Variants in RPS6KA2 observed in about 807,000 individuals in gnomAD.
RPS6KA2 encodes the protein ribosomal protein S6 kinase A2.
A neutral mutation model predicts 91.8 loss-of-function variants in RPS6KA2; 42 were observed. The ratio of observed to expected loss-of-function variants is 0.46; its 90% CI spans 0.36 to 0.59. RPS6KA2 has a LOEUF of 0.59. Among genes scored for constraint, RPS6KA2 ranks in the 20% least tolerant of loss-of-function variants. The pLI, the probability that RPS6KA2 is intolerant of heterozygous loss-of-function variation, is 0.00. For synonymous variants in RPS6KA2, 414 were observed against 393.6 expected (o/e 1.05, Z -0.61); for missense variants, 798 against 978.5 (o/e 0.82, Z 2.46).
chr6:166,709,933 G>A (rs1403758906), intron 2 of RPS6KA2, among the ~76,000 whole-genome samples: 3 of 152,210 alleles, frequency 2.0e-5, no homozygotes, highest in Admixed American at 1.3e-4. Flanking sequence ...CTAAATGGAA[G>A]CACATCTTTA....
At chr6:166,447,603 T>C (rs1779721401) in intron 14 of RPS6KA2, among the ~76,000 whole-genome samples, 1 of 152,200 alleles carries the variant, frequency 6.6e-6, no homozygotes, top group Non-Finnish European at 1.5e-5. Context: ...ATCTACCCTT[T>C]TGAAATACCT....
intron 3 of RPS6KA2, among the ~76,000 whole-genome samples, chr6:166,513,824 T>G (rs1425684312): frequency 6.6e-6 from 1 of 152,202 alleles, no homozygotes; most frequent in Non-Finnish European, 1.5e-5. Flanking sequence ...AAGAATACAA[T>G]TTTGTACCCC....
At chr6:166,763,847 T>G (rs1206810424) in intron 2 of RPS6KA2, among the ~76,000 whole-genome samples, 1 of 152,172 alleles carries the variant, frequency 6.6e-6, no homozygotes, top group African/African-American at 2.4e-5. Context: ...TGCCTGTCCG[T>G]GTACCTCGAG....
Position 166,852,646 on chromosome 6 carries a change from G to A in RPS6KA2, c.123+5554C>T, listed in dbSNP as rs1233112605. On this transcript the variant is annotated intron_variant, in intron 2 of 21. Transcript: ENST00000503859. The surrounding 1 kb of genome is among the most constrained non-coding windows in gnomAD (Gnocchi z 4.1). Reference sequence around the variant, plus strand: ...CCTTTTCCTCACCAGGGGACTCGTCGAGGGGTCCAAGCAGCAACGGCTCGG... The same window carrying A: ...CCTTTTCCTCACCAGGGGACTCGTCAAGGGGTCCAAGCAGCAACGGCTCGG... 1.3e-5 allele frequency among the ~76,000 whole-genome samples: 2 copies of A among 151,988 alleles called. No individual in the cohort carries two copies. Among genetic ancestry groups the A allele is most frequent in the East Asian group, 1.9e-4 (1 of 5,160 alleles).
rs972192952 is a variant in RPS6KA2 at position 166,413,898 on chromosome 6, G to C, written c.1972C>G (p.His658Asp). 8.7e-6 allele frequency: 14 copies of C among 1,614,114 alleles called. No homozygotes were observed. Among genetic ancestry groups the C allele is most frequent in the Non-Finnish European group, 1.2e-5 (14 of 1,180,008 alleles). The change falls in exon 20 of 21, where the codon CAT (histidine) becomes GAT (aspartate). Residue 658 changes from histidine to aspartate, a missense_variant. His to Asp is a moderately conservative substitution (Grantham distance 81, BLOSUM62 -1). Coordinates refer to ENST00000265678, the MANE Select transcript of RPS6KA2 (RefSeq NM_021135.6). ...VVSKMLHVDPHQRLTAMQVLK... is the reference protein window; with the variant it reads ...VVSKMLHVDPDQRLTAMQVLK... Reference sequence around the variant, plus strand: ...ACTTGCATCGCCGTCAGGCGCTGATGAGGGTCCACGTGGAGCATCTTGGAC... The same window carrying C: ...ACTTGCATCGCCGTCAGGCGCTGATCAGGGTCCACGTGGAGCATCTTGGAC...
chr6:166,568,340 G>A (rs777403022), intron 1 of RPS6KA2, among the ~76,000 whole-genome samples: 2 of 152,118 alleles, frequency 1.3e-5, no homozygotes, highest in South Asian at 2.1e-4. Flanking sequence ...TTGGCCAGGC[G>A]CGGTGACTCA....
At chr6:166,789,210 T>C (rs1159407809) in intron 2 of RPS6KA2, among the ~76,000 whole-genome samples, 1 of 152,184 alleles carries the variant, frequency 6.6e-6, no homozygotes, top group Non-Finnish European at 1.5e-5. Flanking sequence ...CAGGAGATTA[T>C]ATCCCACACC....
At chr6:166,742,679 C>T (rs1398967641) in intron 2 of RPS6KA2, among the ~76,000 whole-genome samples, 1 of 152,184 alleles carries the variant, frequency 6.6e-6, no homozygotes, top group African/African-American at 2.4e-5. Flanking sequence ...GTGCTTCTCT[C>T]CACTGCACCC....
At chr6:166,610,639 C>T (rs1011026977) in intron 1 of RPS6KA2, among the ~76,000 whole-genome samples, 1 of 152,154 alleles carries the variant, frequency 6.6e-6, no homozygotes, top group Admixed American at 6.5e-5. Flanking sequence ...TAACAAATTC[C>T]TTCTACTAAT....
At position 166,494,302 on chromosome 6, in the gene RPS6KA2, G is replaced by A. The variant is rs1466724365; in HGVS notation, c.748-3561C>T. Among the ~76,000 whole-genome samples, 1 of 152,174 alleles carries A rather than the reference G, an allele frequency of 6.6e-6. No homozygotes were observed. The highest frequency in any genetic ancestry group is 1.5e-5 in the Non-Finnish European group (1 of 68,032). ...CCCACTCCGAGTGCCAAGAATCTCA[G>A]TCTCAAAACAGCCTTGGAAGGTGCC... is the stretch of plus-strand genomic sequence containing the variant. On this transcript the variant is annotated intron_variant, in intron 8 of 20. Coordinates refer to ENST00000265678, the MANE Select transcript of RPS6KA2 (RefSeq NM_021135.6). The surrounding 1 kb of genome is among the most constrained non-coding windows in gnomAD (Gnocchi z 5.1).
rs1787220063 is a variant in RPS6KA2, at chr6:166,635,830, G to T, written c.124-97046C>A. 6.6e-6 allele frequency among the ~76,000 whole-genome samples: 1 copy of T among 151,834 alleles called. No homozygotes were observed. The highest frequency in any genetic ancestry group is 2.4e-5 in the African/African-American group (1 of 41,332). On this transcript the variant is annotated intron_variant, in intron 2 of 21. Transcript: ENST00000503859. The surrounding 1 kb of genome is among the most constrained non-coding windows in gnomAD (Gnocchi z 4.8). ...AGAAGGCTGCATCCACCCCAGGAGG[G>T]TGACCTGGGTGTGTCCGGTAAAGGG...
chr6:166,423,203 G>A lies in RPS6KA2; in HGVS notation c.1743+53C>T. 1.9e-6 allele frequency: 3 copies of A among 1,555,118 alleles called. No homozygotes were observed. Among genetic ancestry groups the A allele is most frequent in the Non-Finnish European group, 2.6e-6 (3 of 1,142,660 alleles). On this transcript the variant is annotated intron_variant, in intron 17 of 20. Transcript: ENST00000265678. The surrounding 1 kb of genome is among the most constrained non-coding windows in gnomAD (Gnocchi z 4.8). ...GGTGGCTCTGCAGTGGGAGGGGGCA[G>A]AGCCTGTCTTTGCGGATAGAGAGGC...
chr6:166,550,072 G>A (rs191204552), intron 1 of RPS6KA2, among the ~76,000 whole-genome samples: 6 of 152,286 alleles, frequency 3.9e-5, no homozygotes, highest in Admixed American at 6.5e-5. Flanking sequence ...GATGATTACC[G>A]TGACATTTTT....
intron 2 of RPS6KA2, among the ~76,000 whole-genome samples, chr6:166,839,279 C>A (rs994723707): frequency 2.0e-5 from 3 of 152,084 alleles, no homozygotes; most frequent in African/African-American, 4.8e-5. Flanking sequence ...CTGCATTGTT[C>A]CGTGAATTCA....
At chr6:166,559,604 A>C (rs1033543026) in intron 1 of RPS6KA2, among the ~76,000 whole-genome samples, 1 of 152,182 alleles carries the variant, frequency 6.6e-6, no homozygotes, top group African/African-American at 2.4e-5. Flanking sequence ...GTATGAGTAA[A>C]AACGATAAGC....
At chr6:166,575,987 G>A (rs1784827306) in intron 1 of RPS6KA2, among the ~76,000 whole-genome samples, 1 of 152,178 alleles carries the variant, frequency 6.6e-6, no homozygotes, top group African/African-American at 2.4e-5. Flanking sequence ...GGAGGGACCT[G>A]GTGGGAGATA....
At chr6:166,839,852 A>G (rs914955331) in intron 2 of RPS6KA2, among the ~76,000 whole-genome samples, 1 of 150,774 alleles carries the variant, frequency 6.6e-6, no homozygotes. Context: ...GCCCAGTGAG[A>G]CTGATTTTGG....
chr6:166,621,954 C>T (rs913675942), intron 1 of RPS6KA2, among the ~76,000 whole-genome samples: 8 of 152,186 alleles, frequency 5.3e-5, no homozygotes, highest in South Asian at 2.1e-4. Context: ...ATTGCCACTT[C>T]TGAGAAACTA....
At chr6:166,458,846 A>G (rs1228802389) in intron 12 of RPS6KA2, among the ~76,000 whole-genome samples, 2 of 152,240 alleles carry the variant, frequency 1.3e-5, no homozygotes, top group Non-Finnish European at 2.9e-5. Flanking sequence ...AGACCAGGAT[A>G]ATTACCATAT....
Sources: allele counts gnomAD v4.1 joint callset (sites outside exome capture counted in the v4.1 genomes callset), GRCh38; gene constraint gnomAD v4.1.1; non-coding constraint Gnocchi (gnomAD v3.1); transcripts MANE v1.5; gene names NCBI Gene and HGNC (gene_info 2026-07-23, HGNC 2026-07-21).